The following ERBB4 variants were observed in gnomAD, a reference collection of about 807,000 sequenced individuals.
ERBB4 encodes the protein erb-b2 receptor tyrosine kinase 4.
In ERBB4, 42 loss-of-function variants were observed where a neutral mutation model predicts 158.0. The observed-to-expected ratio is 0.27, with a 90% CI of 0.21 to 0.34. ERBB4 has a LOEUF of 0.34. ERBB4 is among the 10% of genes least tolerant of loss of function. The pLI is 1.00. For missense variants in ERBB4, 1,333 were observed against 1,624.1 expected (o/e 0.82, Z 3.08); for synonymous variants, 583 against 558.7 (o/e 1.04, Z -0.61).
At chr2:211,965,746 T>G (rs1419266519) in intron 2 of ERBB4, among the ~76,000 whole-genome samples, 1 of 152,186 alleles carries the variant, frequency 6.6e-6, no homozygotes, top group Non-Finnish European at 1.5e-5. Context: ...ACAGAACATA[T>G]TTTATAATTA....
intron 1 of ERBB4, among the ~76,000 whole-genome samples, chr2:212,318,997 A>G (rs1260861080): frequency 6.6e-6 from 1 of 151,498 alleles, no homozygotes; most frequent in East Asian, 2.0e-4. Context: ...TAATAGATAT[A>G]CCACACTTTC....
chr2:212,476,190 T>C (rs1368029009), intron 1 of ERBB4, among the ~76,000 whole-genome samples: 1 of 151,348 alleles, frequency 6.6e-6, no homozygotes, highest in Non-Finnish European at 1.5e-5. Flanking sequence ...TTTAATGACT[T>C]TCATTGCATT....
At chr2:211,721,334 T>C (rs1237822938) in intron 7 of ERBB4, among the ~76,000 whole-genome samples, 1 of 150,936 alleles carries the variant, frequency 6.6e-6, no homozygotes, top group African/African-American at 2.4e-5. Flanking sequence ...GTAAGTCACA[T>C]TATATGTATA....
In ERBB4 at chr2:211,392,125, C is replaced by A. The variant is rs139118507; in HGVS notation, c.3136-4133G>T. On this transcript the variant is annotated intron_variant, in intron 25 of 27. Coordinates refer to ENST00000342788, the MANE Select transcript of ERBB4 (RefSeq NM_005235.3). The stretch of plus-strand genomic sequence containing the variant: ...CTATTAAAGGTTCTCAACCTTTTAT[C>A]CTCCCTGACATATCTGCTTAACACT... Among the ~76,000 whole-genome samples the A allele has an allele frequency of 8.0e-3, 1,221 of 152,278 alleles. 10 individuals carry two copies. Among genetic ancestry groups the A allele is most frequent in the Non-Finnish European group, 0.013 (883 of 68,014 alleles).
At chr2:212,085,003 G>T (rs768767829) in intron 2 of ERBB4, among the ~76,000 whole-genome samples, 14 of 151,846 alleles carry the variant, frequency 9.2e-5, no homozygotes, top group Non-Finnish European at 1.6e-4. Context: ...TTGCTGAAGT[G>T]CTGTGCAGGT....
intron 1 of ERBB4, among the ~76,000 whole-genome samples, chr2:212,338,970 T>A (rs773403966): frequency 1.3e-4 from 20 of 152,144 alleles, no homozygotes; most frequent in Non-Finnish European, 2.2e-4. Flanking sequence ...GATGAAAATA[T>A]CACTTTCAAA....
At chr2:212,143,663 A>G (rs1462951606) in intron 1 of ERBB4, among the ~76,000 whole-genome samples, 1 of 152,140 alleles carries the variant, frequency 6.6e-6, no homozygotes, top group Non-Finnish European at 1.5e-5. Context: ...GTGGGAGTGA[A>G]TAATATCTTC....
intron 3 of ERBB4, among the ~76,000 whole-genome samples, chr2:211,912,491 A>C (rs537200333): frequency 6.6e-6 from 1 of 152,212 alleles, no homozygotes; most frequent in Non-Finnish European, 1.5e-5. Flanking sequence ...TCATACTTTT[A>C]TACAATTATA....
At chr2:212,405,409 T>C (rs1214843284) in intron 1 of ERBB4, among the ~76,000 whole-genome samples, 1 of 152,028 alleles carries the variant, frequency 6.6e-6, no homozygotes, top group Non-Finnish European at 1.5e-5. Flanking sequence ...AGTTCAACTA[T>C]GTGGAAAGCA....
Position 211,502,642 on chromosome 2 carries a change from T to C in ERBB4, c.2487+59261A>G, listed in dbSNP as rs532121538. Among the ~76,000 whole-genome samples the C allele has an allele frequency of 1.4e-4, 22 of 152,284 alleles. No homozygotes were observed. The South Asian group carries it at 4.1e-3, about 29-fold the overall frequency. ...CTACTGTGTTTTCTCATATTCTTTA[T>C]ATCTAGAAACCATAATTAGATTCAT... is the stretch of plus-strand genomic sequence containing the variant. On this transcript the variant is annotated intron_variant, in intron 20 of 27. Transcript: ENST00000342788.
chr2:211,908,947 T>A (rs1575357932), intron 3 of ERBB4, among the ~76,000 whole-genome samples: 1 of 151,560 alleles, frequency 6.6e-6, no homozygotes, highest in Non-Finnish European at 1.5e-5. Context: ...AATAAAAAAA[T>A]TTAAAAATTA....
intron 2 of ERBB4, among the ~76,000 whole-genome samples, chr2:212,023,576 G>A (rs774337138): frequency 9.2e-5 from 14 of 151,896 alleles, no homozygotes; most frequent in Non-Finnish European, 1.8e-4. Flanking sequence ...TTGAATCAGT[G>A]CAACTTCTCT....
At chr2:211,707,975 G>C (rs990414634) in intron 9 of ERBB4, among the ~76,000 whole-genome samples, 11 of 152,080 alleles carry the variant, frequency 7.2e-5, no homozygotes, top group African/African-American at 2.2e-4. Context: ...CTTATCAAAA[G>C]CTGGTTAGTA....
chr2:212,353,672 C>T (rs2062937), intron 1 of ERBB4, among the ~76,000 whole-genome samples: 52,907 of 151,686 alleles, frequency 0.35, 11,133 homozygotes, highest in East Asian at 0.77. Flanking sequence ...GAAATCTACA[C>T]TCAAATACAT....
intron 20 of ERBB4, among the ~76,000 whole-genome samples, chr2:211,509,909 G>A (rs1455666650): frequency 6.6e-6 from 1 of 152,068 alleles, no homozygotes; most frequent in Non-Finnish European, 1.5e-5. Flanking sequence ...TCTTACATCA[G>A]TCTGAATGGC....
chr2:211,850,588 T>C (rs1032497953), intron 3 of ERBB4, among the ~76,000 whole-genome samples: 3 of 151,804 alleles, frequency 2.0e-5, no homozygotes, highest in Non-Finnish European at 4.4e-5. Context: ...AGAGAAGATA[T>C]TGATAAGTTA....
chr2:212,192,114 T>G (rs1418882747), intron 1 of ERBB4, among the ~76,000 whole-genome samples: 2 of 98,840 alleles, frequency 2.0e-5, no homozygotes, highest in African/African-American at 3.6e-5. Context: ...TATTATATAT[T>G]ATATATATTA....
intron 16 of ERBB4, among the ~76,000 whole-genome samples, chr2:211,648,066 C>A (rs2070842318): frequency 6.6e-6 from 1 of 151,812 alleles, no homozygotes; most frequent in African/African-American, 2.4e-5. Flanking sequence ...GCTTGATGAC[C>A]CAGACTCCTC....
chr2:211,441,758 T>C (rs1013670649), intron 20 of ERBB4, among the ~76,000 whole-genome samples: 2 of 152,118 alleles, frequency 1.3e-5, no homozygotes, highest in African/African-American at 4.8e-5. Flanking sequence ...CACACAGCCC[T>C]AGGGAGGAGT....
Sources: gnomAD v4.1 joint callset for allele counts (sites outside exome capture counted in the v4.1 genomes callset) on GRCh38, gnomAD v4.1.1 for gene constraint, MANE v1.5 for transcripts, NCBI Gene and HGNC (gene_info 2026-07-23, HGNC 2026-07-21) for gene names.